Variants in ANKRD11 observed in about 807,000 individuals in gnomAD.
ANKRD11 encodes ankyrin repeat domain 11, also known as ankyrin repeat domain-containing protein 11.
A neutral mutation model predicts 195.7 loss-of-function variants in ANKRD11; 17 were observed. The observed-to-expected ratio is 0.09, with a 90% CI of 0.06 to 0.13. The LOEUF (loss-of-function observed/expected upper bound fraction) is 0.13, where lower values mean the gene tolerates loss of function less well. Ranked by LOEUF, ANKRD11 falls within the 10% of genes least tolerant of loss-of-function variation. The pLI is 1.00. For missense variants in ANKRD11, 3,735 were observed against 3,566.1 expected (o/e 1.05, Z -1.21); for synonymous variants, 1,953 against 1,528.1 (o/e 1.28, Z -6.49).
intron 5 of ANKRD11, 87 bp downstream of exon 5, chr16:89,290,926 A>G (rs1386057068): frequency 4.3e-6 from 7 of 1,609,650 alleles, no homozygotes; most frequent in Non-Finnish European, 5.9e-6. Flanking sequence ...GTCCCTTTGC[A>G]CAGGGCTTGT....
At chr16:89,270,515 G>A (rs1431578120) in intron 12 of ANKRD11, 3 of 447,974 alleles carry the variant, frequency 6.7e-6, no homozygotes, top group Non-Finnish European at 8.3e-6. Flanking sequence ...GGACCTTAGA[G>A]GGGGCTCACA....
At chr16:89,461,084 A>G (rs1432254438) in intron 1 of ANKRD11, among the ~76,000 whole-genome samples, 2 of 146,770 alleles carry the variant, frequency 1.4e-5, no homozygotes, top group Non-Finnish European at 3.0e-5. Context: ...TGACATTCAT[A>G]AGAGAAGAAA....
chr16:89,338,657 T>C (rs2038498960), intron 2 of ANKRD11, among the ~76,000 whole-genome samples: 1 of 132,100 alleles, frequency 7.6e-6, no homozygotes, highest in Non-Finnish European at 1.5e-5. Context: ...CCTGGGAAGC[T>C]GAGGTTGCAG....
At position 89,351,055 on chromosome 16, in the gene ANKRD11, C is replaced by T. The variant is rs116590053; in HGVS notation, c.-59-33977G>A. ...AACGCATTTCTCAGGATGCATCCCC[C>T]GACCGCTATTAAAATTGATGCATTC... On this transcript the variant is annotated intron_variant, in intron 2 of 12. Transcript: ENST00000301030. 2.4e-3 allele frequency among the ~76,000 whole-genome samples: 364 copies of T among 152,274 alleles called. 3 individuals carry two copies. Among genetic ancestry groups the T allele is most frequent in the African/African-American group, 7.8e-3 (323 of 41,548 alleles).
intron 1 of ANKRD11, among the ~76,000 whole-genome samples, chr16:89,442,832 G>A (rs1052827538): frequency 2.6e-5 from 4 of 152,136 alleles, no homozygotes; most frequent in Non-Finnish European, 4.4e-5. Context: ...AGCCTCCGGC[G>A]CTCCTGCCCC....
Position 89,280,652 on chromosome 16 carries a change from C to T in ANKRD11, c.5890G>A (p.Gly1964Arg). The T allele has an allele frequency of 1.2e-6, 2 of 1,613,468 alleles. No homozygotes were observed. Among genetic ancestry groups the T allele is most frequent in the Non-Finnish European group, 1.7e-6 (2 of 1,179,958 alleles). The part of the protein sequence containing the change: ...SEQALASSLI[G>R]GTSENPVSWP... ...CTCACAGGGTTTTCAGAGGTGCCCC[C>T]GATCAGGCTAGAGGCAAGCGCCTGC... The change falls in exon 9 of 13, where the codon GGG (glycine) becomes AGG (arginine). Residue 1964 changes from glycine (G) to arginine (R), a missense_variant. By Grantham distance (125) the Gly-to-Arg change is moderately radical. Transcript: ENST00000301030.
At chr16:89,376,931 C>A (rs1356100022) in intron 2 of ANKRD11, among the ~76,000 whole-genome samples, 2 of 152,206 alleles carry the variant, frequency 1.3e-5, no homozygotes, top group Non-Finnish European at 2.9e-5. Flanking sequence ...AAGCTGCCTA[C>A]CTCAGAACCT....
intron 1 of ANKRD11, among the ~76,000 whole-genome samples, chr16:89,466,083 C>G (rs2056872643): frequency 6.6e-6 from 1 of 152,058 alleles, no homozygotes; most frequent in Non-Finnish European, 1.5e-5. Context: ...GTCATAAACT[C>G]AACAAGCTGC....
intron 2 of ANKRD11, among the ~76,000 whole-genome samples, chr16:89,336,908 G>A (rs2038384796): frequency 6.7e-6 from 1 of 149,986 alleles, no homozygotes; most frequent in Non-Finnish European, 1.5e-5. Context: ...GGTGGCTCAT[G>A]CCTGTAATCC....
chr16:89,456,258 G>A (rs1038358269), intron 1 of ANKRD11, among the ~76,000 whole-genome samples: 1 of 150,786 alleles, frequency 6.6e-6, no homozygotes, highest in Non-Finnish European at 1.5e-5. Context: ...AAGGGGGGGT[G>A]GAAACGGGGG....
chr16:89,446,001 T>TAA (rs756294025), intron 1 of ANKRD11, among the ~76,000 whole-genome samples: 5 of 121,428 alleles, frequency 4.1e-5, no homozygotes, highest in African/African-American at 6.1e-5. Context: ...AATTTTTTGT[T>TAA]AAAAAAAAAA....
intron 4 of ANKRD11, chr16:89,297,896 C>T (rs1027091070): frequency 1.3e-5 from 2 of 152,306 alleles, no homozygotes; most frequent in Admixed American, 1.3e-4. Context: ...CCGATGGGAG[C>T]TGGGTCATCT....
rs373180876 is a variant in ANKRD11, at chr16:89,270,813, C to T, written c.7806+4G>A. The T allele has an allele frequency of 8.4e-5, 135 of 1,613,358 alleles. No individual in the cohort carries two copies. The highest frequency in any genetic ancestry group is 9.9e-5 in the Non-Finnish European group (117 of 1,179,894). ...GCAGAACTGAGGGGACGCGCAACAC[C>T]GACCTTCATGCGGTCATACTTGTCA... On this transcript the variant is annotated splice_donor_region_variant and intron_variant, in intron 12 of 12. Transcript: ENST00000301030.
intron 2 of ANKRD11, among the ~76,000 whole-genome samples, chr16:89,413,408 G>A (rs531053786): frequency 1.3e-5 from 2 of 152,202 alleles, no homozygotes; most frequent in South Asian, 4.1e-4. Context: ...GGCAGATCAC[G>A]AGGTCAGGAG....
intron 2 of ANKRD11, among the ~76,000 whole-genome samples, chr16:89,413,248 T>A (rs2042166739): frequency 1.3e-5 from 2 of 152,252 alleles, no homozygotes; most frequent in Non-Finnish European, 1.5e-5. Flanking sequence ...TTATTTATCT[T>A]GGCATAATTA....
chr16:89,334,171 A>T (rs910466493), intron 2 of ANKRD11, among the ~76,000 whole-genome samples: 1 of 144,610 alleles, frequency 6.9e-6, no homozygotes, highest in South Asian at 2.2e-4. Context: ...AAAAAAAAAA[A>T]AACAGAGAGA....
At chr16:89,431,525 G>C (rs1406670933) in intron 1 of ANKRD11, among the ~76,000 whole-genome samples, 4 of 152,138 alleles carry the variant, frequency 2.6e-5, no homozygotes, top group African/African-American at 4.8e-5. Flanking sequence ...CATCTAGCAT[G>C]GTCTCGCAGT....
chr16:89,277,776 G>C (rs2033783107), intron 9 of ANKRD11: 1 of 152,782 alleles, frequency 6.5e-6, no homozygotes, highest in East Asian at 1.9e-4. Flanking sequence ...GCCCGCTCCT[G>C]GATCCTGCAC....
intron 2 of ANKRD11, among the ~76,000 whole-genome samples, chr16:89,366,129 C>CAAAAAAAAAAAAA (rs71387689): frequency 1.7e-5 from 1 of 60,444 alleles, no homozygotes; most frequent in African/African-American, 6.2e-5. Flanking sequence ...GACTCCATCT[C>CAAAAAAAAAAAAA]AAAAAAAAAA....
Sources: gnomAD v4.1 joint callset for allele counts (sites outside exome capture counted in the v4.1 genomes callset) on GRCh38, gnomAD v4.1.1 for gene constraint, MANE v1.5 for transcripts, NCBI Gene and HGNC (gene_info 2026-07-23, HGNC 2026-07-21) for gene names.